Variants in COL4A5 observed in about 807,000 individuals in gnomAD.
The protein encoded by COL4A5 is collagen type IV alpha 5 chain, also known as collagen alpha-5(IV) chain.
A neutral mutation model predicts 130.2 loss-of-function variants in COL4A5; 26 were observed. The ratio of observed to expected loss-of-function variants is 0.20; its 90% CI spans 0.15 to 0.28. The LOEUF (loss-of-function observed/expected upper bound fraction) is 0.28. COL4A5 is among the 10% of genes least tolerant of loss of function. The pLI, the probability that COL4A5 is intolerant of heterozygous loss-of-function variation, is 1.00. For missense variants in COL4A5, 1,131 were observed against 1,344.3 expected (o/e 0.84, Z 2.48); for synonymous variants, 496 against 439.6 (o/e 1.13, Z -1.60).
At chrX:108,477,068 C>A (rs148499493) in intron 1 of COL4A5, among the ~76,000 whole-genome samples, 24 of 111,606 alleles carry the variant, frequency 2.2e-4, no homozygotes, top group African/African-American at 6.8e-4. Flanking sequence ...GCTTTATATT[C>A]GCTGGCAGCT....
At chrX:108,667,994 A>T in intron 40 of COL4A5, among the ~76,000 whole-genome samples, 1 of 111,711 alleles carries the variant, frequency 9.0e-6, no homozygotes. Flanking sequence ...GCCATCTTGA[A>T]ACTATTTTTG....
intron 1 of COL4A5, among the ~76,000 whole-genome samples, chrX:108,513,609 G>A (rs1283748674): frequency 9.0e-6 from 1 of 111,689 alleles, no homozygotes; most frequent in Non-Finnish European, 1.9e-5. Context: ...TTGAGCTGTA[G>A]TAATTCCTTT....
Position 108,601,606 on chromosome X carries a change from A to G in COL4A5, c.2041+121A>G. 5.7e-6 allele frequency: 3 copies of G among 525,918 alleles called. 1 individual carries two copies. In the South Asian group the frequency reaches 8.6e-5, roughly 15 times the overall value. The allele number at this position is 525,918 out of a possible 1,213,427, so 43.3% of individuals were successfully genotyped here. The stretch of plus-strand genomic sequence containing the variant: ...CAGTGGCGTGATGTTGGCTTGCTGC[A>G]GCAACCTCCTACTTCTGGGTTCAAG... On this transcript the variant is annotated intron_variant, in intron 26 of 52. Coordinates refer to ENST00000328300, the MANE Select transcript of COL4A5 (RefSeq NM_033380.3).
Position 108,591,705 on chromosome X carries a change from A to T in COL4A5, c.1423+61A>T. 3.3e-6 allele frequency: 3 copies of T among 900,209 alleles called. No homozygotes were observed. The South Asian group carries it at 6.0e-5, about 18-fold the overall frequency. The allele number at this position is 900,209 out of a possible 1,213,427, so 74.2% of individuals were successfully genotyped here. ...TTCATTCTTTCAAATCATCAGCAAAATCCCCTGTATCCTCCATCACACCTT... is the reference window on the plus strand; with the variant it reads ...TTCATTCTTTCAAATCATCAGCAAATTCCCCTGTATCCTCCATCACACCTT... On this transcript the variant is annotated intron_variant, in intron 21 of 52. Coordinates refer to ENST00000328300, the MANE Select transcript of COL4A5 (RefSeq NM_033380.3).
intron 36 of COL4A5, among the ~76,000 whole-genome samples, chrX:108,645,562 A>G (rs1384761068): frequency 9.3e-6 from 1 of 107,411 alleles, no homozygotes; most frequent in Non-Finnish European, 1.9e-5. Context: ...TAGCTCCCAG[A>G]TCTTGGTTAC....
At chrX:108,536,314 C>G (rs1351915364) in intron 1 of COL4A5, among the ~76,000 whole-genome samples, 2 of 108,817 alleles carry the variant, frequency 1.8e-5, no homozygotes, top group East Asian at 5.7e-4. Context: ...TGTTTCTGGC[C>G]TTCCTATTTT....
intron 1 of COL4A5, among the ~76,000 whole-genome samples, chrX:108,451,415 G>A (rs759446337): frequency 3.0e-4 from 34 of 111,897 alleles, no homozygotes; most frequent in African/African-American, 1.0e-3. Flanking sequence ...CTGAGGAATC[G>A]CCACACTGTC....
At chrX:108,646,355 T>C (rs762682531) in intron 36 of COL4A5, among the ~76,000 whole-genome samples, 1 of 112,289 alleles carries the variant, frequency 8.9e-6, no homozygotes, top group African/African-American at 3.2e-5. Context: ...TTTTCATGTG[T>C]TTTTTGGCTG....
rs564315403 is a variant in COL4A5 at position 108,440,650 on chromosome X, A to C, written c.81+444A>C. 98 of 141,252 alleles carry C rather than the reference A, an allele frequency of 6.9e-4. No individual in the cohort carries two copies. In the South Asian group the frequency reaches 0.01, roughly 15 times the overall value. The allele number at this position is 141,252 out of a possible 1,213,427, so 11.6% of individuals were successfully genotyped here. ...TTGGCTCTTCGAAAATCCAGCTTCC[A>C]TCAAAGTGTTTTTAGCGCCTCAGTG... On this transcript the variant is annotated intron_variant, in intron 1 of 52. Coordinates refer to ENST00000328300, the MANE Select transcript of COL4A5 (RefSeq NM_033380.3).
rs1603292180 is a variant in COL4A5, at chrX:108,602,258, C to T, written c.2146+269C>T. On this transcript the variant is annotated intron_variant, in intron 27 of 52. Transcript: ENST00000328300. ...AGGAATTATTGTGTTTTGTGTTCAC[C>T]ATAGTATTTTCAGGGTTTAGAACAG... 5.4e-5 allele frequency among the ~76,000 whole-genome samples: 6 copies of T among 111,880 alleles called. No individual in the cohort carries two copies. In the East Asian group the frequency reaches 1.7e-3, roughly 31 times the overall value.
At chrX:108,625,878 G>A in intron 35 of COL4A5, 84 bp downstream of exon 35, 2 of 701,099 alleles carry the variant, frequency 2.9e-6, no homozygotes, top group South Asian at 2.2e-5. Flanking sequence ...AAAGAGGCTG[G>A]TGTTGATAGA....
chrX:108,653,689 C>T (rs1474695521), intron 36 of COL4A5, among the ~76,000 whole-genome samples: 4 of 111,001 alleles, frequency 3.6e-5, no homozygotes, highest in African/African-American at 1.3e-4. Context: ...TGCCTTCTGC[C>T]TTTCAGATTT....
chrX:108,611,528 A>G (rs1451364439), intron 29 of COL4A5, among the ~76,000 whole-genome samples: 1 of 111,720 alleles, frequency 9.0e-6, no homozygotes, highest in Admixed American at 9.5e-5. Flanking sequence ...TATGACAAAC[A>G]ACTGCATGCC....
chrX:108,576,383 C>T (rs976947673), intron 10 of COL4A5, among the ~76,000 whole-genome samples: 1 of 111,483 alleles, frequency 9.0e-6, no homozygotes, highest in African/African-American at 3.3e-5. Flanking sequence ...ATTTCCTAGG[C>T]GCCTGGGACA....
intron 49 of COL4A5, among the ~76,000 whole-genome samples, chrX:108,689,076 A>G (rs775917913): frequency 9.0e-6 from 1 of 110,606 alleles, no homozygotes; most frequent in Non-Finnish European, 1.9e-5. Flanking sequence ...TCTTCCGTTT[A>G]TATTTCCTTT....
chrX:108,470,628 T>C (rs2064757439), intron 1 of COL4A5, among the ~76,000 whole-genome samples: 1 of 111,916 alleles, frequency 8.9e-6, no homozygotes, highest in African/African-American at 3.2e-5. Flanking sequence ...TCTTTTGCTG[T>C]GCAGAAGCTC....
At position 108,499,006 on chromosome X, in the gene COL4A5, C is replaced by T. The variant is rs761848153; in HGVS notation, c.82-40740C>T. Among the ~76,000 whole-genome samples the T allele has an allele frequency of 1.5e-3, 166 of 110,642 alleles. 1 individual carries two copies. Among genetic ancestry groups the T allele is most frequent in the African/African-American group, 4.4e-3 (135 of 30,502 alleles). On this transcript the variant is annotated intron_variant, in intron 1 of 52. Transcript: ENST00000328300. ...TTTTGCATTTTTCCTTATCTAATTG[C>T]GGTGGATGAGCTCAATGGCAAATGC...
At chrX:108,633,334 A>G (rs1278494278) in intron 36 of COL4A5, among the ~76,000 whole-genome samples, 1 of 110,787 alleles carries the variant, frequency 9.0e-6, no homozygotes, top group Non-Finnish European at 1.9e-5. Flanking sequence ...TTCTTACAGG[A>G]TTTTCATGGT....
At chrX:108,650,215 G>A (rs914510112) in intron 36 of COL4A5, among the ~76,000 whole-genome samples, 7 of 110,620 alleles carry the variant, frequency 6.3e-5, no homozygotes, top group Non-Finnish European at 1.3e-4. Flanking sequence ...AATCAAAACC[G>A]CAATGCAATA....
Sources: gnomAD v4.1 joint callset for allele counts (sites outside exome capture counted in the v4.1 genomes callset) on GRCh38, gnomAD v4.1.1 for gene constraint, MANE v1.5 for transcripts, NCBI Gene and HGNC (gene_info 2026-07-23, HGNC 2026-07-21) for gene names.